Variants in WDHD1 observed in about 807,000 individuals in gnomAD.
WDHD1 encodes WD repeat and HMG-box DNA-binding protein 1.
In WDHD1, 111 loss-of-function variants were observed where a neutral mutation model predicts 135.4. That is an observed-to-expected ratio of 0.82 (90% CI 0.70 to 0.96). The LOEUF (loss-of-function observed/expected upper bound fraction) is 0.96. Ranked by LOEUF, WDHD1 falls within the 40% of genes least tolerant of loss-of-function variation. The pLI is 0.00. For missense variants in WDHD1, 1,351 were observed against 1,336.3 expected, an observed-to-expected ratio of 1.01 and a Z score of -0.17; for synonymous variants, 434 against 439.0, an observed-to-expected ratio of 0.99 and a Z score of 0.14.
At chr14:55,007,439 C>A in intron 6 of WDHD1, 64 bp from the exon 7 acceptor site, 1 of 1,178,272 alleles carries the variant, frequency 8.5e-7, no homozygotes, top group Non-Finnish European at 1.2e-6. Context: ...ATATGCAGAA[C>A]TGAATATATT....
chr14:54,950,711 A>G (rs923051256), intron 24 of WDHD1, among the ~76,000 whole-genome samples: 6 of 152,208 alleles, frequency 3.9e-5, no homozygotes, highest in Non-Finnish European at 7.3e-5. Context: ...TGAGCACCAC[A>G]TCGCACTTAT....
At chr14:54,952,555 C>T (rs1445946243) in intron 24 of WDHD1, among the ~76,000 whole-genome samples, 3 of 152,190 alleles carry the variant, frequency 2.0e-5, no homozygotes, top group Non-Finnish European at 4.4e-5. Flanking sequence ...ATCGTGAAAA[C>T]GGCCATCCTG....
chr14:54,967,197 G>T, intron 17 of WDHD1, 83 bp downstream of exon 17: 2 of 1,092,448 alleles, frequency 1.8e-6, no homozygotes, highest in Non-Finnish European at 2.7e-6. Context: ...ATTCAATACT[G>T]GCCATCAGGA....
intron 15 of WDHD1, among the ~76,000 whole-genome samples, chr14:54,983,586 T>A (rs772379707): frequency 9.2e-5 from 14 of 152,038 alleles, no homozygotes; most frequent in African/African-American, 3.4e-4. Context: ...AGCAGGAGAA[T>A]TGCTGGAACC....
chr14:54,999,975 T>C (rs999363178), intron 10 of WDHD1, among the ~76,000 whole-genome samples: 1 of 152,206 alleles, frequency 6.6e-6, no homozygotes, highest in Non-Finnish European at 1.5e-5. Flanking sequence ...GCCTTTAGTA[T>C]AGTTTTTGTG....
chr14:54,955,424 A>C, intron 24 of WDHD1, 137 bp downstream of exon 24: 3 of 717,326 alleles, frequency 4.2e-6, no homozygotes, highest in Non-Finnish European at 5.9e-6. Flanking sequence ...CCTTATAGTC[A>C]CAAGTGTCCA....
At chr14:54,999,572 A>G (rs1455249855) in intron 10 of WDHD1, among the ~76,000 whole-genome samples, 3 of 152,152 alleles carry the variant, frequency 2.0e-5, no homozygotes, top group African/African-American at 7.2e-5. Context: ...TGAGTTTCTC[A>G]TCATCCTTCT....
At chr14:54,999,321 C>T (rs1017210727) in intron 10 of WDHD1, among the ~76,000 whole-genome samples, 2 of 152,206 alleles carry the variant, frequency 1.3e-5, no homozygotes, top group Non-Finnish European at 2.9e-5. Context: ...AACAAATCTC[C>T]AACATTCTGC....
At chr14:55,026,215 G>A (rs1275777957) in intron 2 of WDHD1, among the ~76,000 whole-genome samples, 1 of 152,056 alleles carries the variant, frequency 6.6e-6, no homozygotes, top group African/African-American at 2.4e-5. Flanking sequence ...TCGAGCAGTA[G>A]TGCGTAAGAA....
intron 16 of WDHD1, among the ~76,000 whole-genome samples, chr14:54,968,826 A>T (rs2041385465): frequency 6.6e-6 from 1 of 152,144 alleles, no homozygotes. Flanking sequence ...GAATCACTTG[A>T]GGTCAGAAGT....
In WDHD1 at chr14:54,995,217, G is replaced by A. The variant is rs951095445; in HGVS notation, c.1153+386C>T. On this transcript the variant is annotated intron_variant, in intron 11 of 25. Coordinates refer to ENST00000360586, the MANE Select transcript of WDHD1 (RefSeq NM_007086.4). ...GCTGGTCTTGAACTCCTGACCTCAA[G>A]TGATCTGCCCATTTCAGCCTCCCAA... 3.3e-5 allele frequency among the ~76,000 whole-genome samples: 5 copies of A among 152,120 alleles called. No individual in the cohort carries two copies. In the South Asian group the frequency reaches 6.2e-4, roughly 19 times the overall value.
At chr14:54,953,356 C>A (rs912288563) in intron 24 of WDHD1, among the ~76,000 whole-genome samples, 5 of 152,162 alleles carry the variant, frequency 3.3e-5, no homozygotes, top group African/African-American at 9.7e-5. Context: ...ATGCAGCCAA[C>A]AGACACATGA....
Position 54,962,848 on chromosome 14 carries a change from C to T in WDHD1, c.2537G>A (p.Ser846Asn), listed in dbSNP as rs201605402. 481 of 1,612,092 alleles carry T rather than the reference C, an allele frequency of 3.0e-4. No individual in the cohort carries two copies. The highest frequency in any genetic ancestry group is 1.6e-3 in the Admixed American group (93 of 59,998). ...TTGGCTCCACTCTGTAGCAGTATTGCTGTAACTAAGAGAAAATAATATTAT... is the reference window on the plus strand; with the variant it reads ...TTGGCTCCACTCTGTAGCAGTATTGTTGTAACTAAGAGAAAATAATATTAT... ...DFRKKLNAGY[S>N]NTATEWSQPR... is the part of the protein sequence containing the mutation. Residue 846 changes from serine to asparagine, a missense_variant, in exon 20 of 26, where the codon AGC (serine) becomes AAC (asparagine). Physicochemically the swap from Ser to Asn is conservative, Grantham distance 46. Coordinates refer to ENST00000360586, the MANE Select transcript of WDHD1 (RefSeq NM_007086.4).
intron 24 of WDHD1, among the ~76,000 whole-genome samples, chr14:54,953,929 G>T (rs570686686): frequency 2.0e-5 from 3 of 151,988 alleles, no homozygotes; most frequent in African/African-American, 7.3e-5. Flanking sequence ...CAATGAGAAC[G>T]CTTGGACACA....
At chr14:54,990,526 G>A (rs992388206) in intron 12 of WDHD1, among the ~76,000 whole-genome samples, 1 of 151,642 alleles carries the variant, frequency 6.6e-6, no homozygotes, top group African/African-American at 2.4e-5. Flanking sequence ...AACCTGGGAG[G>A]CGGAGCTTGC....
intron 6 of WDHD1, among the ~76,000 whole-genome samples, chr14:55,007,885 C>A (rs2042098686): frequency 6.6e-6 from 1 of 152,182 alleles, no homozygotes; most frequent in Non-Finnish European, 1.5e-5. Context: ...CTCTGCCAAT[C>A]TGGAGAACAC....
rs182546248 is a variant in WDHD1, at chr14:54,996,558, C to A, written c.943-745G>T. Among the ~76,000 whole-genome samples, 463 of 152,240 alleles carry A rather than the reference C, an allele frequency of 3.0e-3. 2 individuals are homozygous for A. Among genetic ancestry groups the A allele is most frequent in the Middle Eastern group, 0.01 (3 of 294 alleles). On this transcript the variant is annotated intron_variant, in intron 10 of 25. Coordinates refer to ENST00000360586, the MANE Select transcript of WDHD1 (RefSeq NM_007086.4). ...AGGGCTGCAGTGAGCCATGATCTCACCACTGCACTCCAGCCTGGGTGACAG... is the reference window on the plus strand; with the variant it reads ...AGGGCTGCAGTGAGCCATGATCTCAACACTGCACTCCAGCCTGGGTGACAG...
chr14:54,942,170 G>T (rs978958470), intron 25 of WDHD1, among the ~76,000 whole-genome samples: 16 of 152,018 alleles, frequency 1.1e-4, no homozygotes, highest in African/African-American at 3.9e-4. Context: ...AGACTAGAGT[G>T]AACCCGGGAG....
At chr14:54,966,444 T>G (rs761534377) in intron 18 of WDHD1, 31 bp downstream of exon 18, 1 of 1,580,464 alleles carries the variant, frequency 6.3e-7, no homozygotes, top group South Asian at 1.2e-5. Context: ...GCATTTAACT[T>G]TAACGTTTTC....
Sources: allele counts gnomAD v4.1 joint callset (sites outside exome capture counted in the v4.1 genomes callset), GRCh38; gene constraint gnomAD v4.1.1; transcripts MANE v1.5; gene names NCBI Gene and HGNC (gene_info 2026-07-23, HGNC 2026-07-21).